Variants in UNC5A observed in about 807,000 individuals in gnomAD.
UNC5A encodes the protein unc-5 netrin receptor A.
A neutral mutation model predicts 87.4 loss-of-function variants in UNC5A; 20 were observed. The observed-to-expected ratio is 0.23, with a 90% CI of 0.16 to 0.33. UNC5A has a LOEUF of 0.33. Ranked by LOEUF, UNC5A falls within the 10% of genes least tolerant of loss-of-function variation. The pLI is 1.00. For synonymous variants in UNC5A, 438 were observed against 482.3 expected, an observed-to-expected ratio of 0.91 and a Z score of 1.20; for missense variants, 844 against 1,133.4, an observed-to-expected ratio of 0.74 and a Z score of 3.67.
intron 1 of UNC5A, among the ~76,000 whole-genome samples, chr5:176,833,438 C>T (rs1757072035): frequency 6.6e-6 from 1 of 152,210 alleles, no homozygotes; most frequent in African/African-American, 2.4e-5. Flanking sequence ...TAATGGCCTC[C>T]GGCTGCATCC....
chr5:176,854,400 T>G (rs561815477), intron 1 of UNC5A, among the ~76,000 whole-genome samples: 15 of 152,280 alleles, frequency 9.9e-5, no homozygotes, highest in African/African-American at 3.6e-4. Flanking sequence ...AAGTAATAAC[T>G]CATGCCGCCA....
At chr5:176,862,569 C>T in intron 1 of UNC5A, 55 bp from the exon 2 acceptor site, 1 of 1,551,462 alleles carries the variant, frequency 6.4e-7, no homozygotes, top group East Asian at 2.3e-5. Context: ...GAGCCGCTGC[C>T]TCTACCCTGC....
chr5:176,841,500 G>A lies in UNC5A; in HGVS notation c.71-21124G>A, dbSNP rs1035549914. On this transcript the variant is annotated intron_variant, in intron 1 of 14. Transcript: ENST00000329542. The surrounding 1 kb of genome is among the most constrained non-coding windows in gnomAD (Gnocchi z 4.1). ...GCTGTGGACATGTTATTGATTGAAT[G>A]TCTCTGAGCCTCAGTTTGTCACCTG... 7.2e-5 allele frequency among the ~76,000 whole-genome samples: 11 copies of A among 152,200 alleles called. No homozygotes were observed. Among genetic ancestry groups the A allele is most frequent in the African/African-American group, 2.7e-4 (11 of 41,438 alleles).
intron 1 of UNC5A, among the ~76,000 whole-genome samples, chr5:176,861,386 C>T (rs1033449554): frequency 1.3e-5 from 2 of 152,218 alleles, no homozygotes; most frequent in Non-Finnish European, 2.9e-5. Flanking sequence ...CCTGAACCCT[C>T]GGTCCGAGCC....
At position 176,848,260 on chromosome 5, in the gene UNC5A, T is replaced by C. The variant is rs1757462003; in HGVS notation, c.71-14364T>C. 6.6e-6 allele frequency among the ~76,000 whole-genome samples: 1 copy of C among 151,894 alleles called. No individual in the cohort carries two copies. Among genetic ancestry groups the C allele is most frequent in the Non-Finnish European group, 1.5e-5 (1 of 67,968 alleles). On this transcript the variant is annotated intron_variant, in intron 1 of 14. Transcript: ENST00000329542. This position sits in a 1 kb window ranked among gnomAD's most constrained non-coding sequence, Gnocchi z 5.8. ...ACCCTTGGGGAGGGGGTACCCCAGC[T>C]TCTCTCTCCCCTGCTACCCCAAAGC...
At chr5:176,817,067 G>A (rs1174138710) in intron 1 of UNC5A, among the ~76,000 whole-genome samples, 2 of 152,214 alleles carry the variant, frequency 1.3e-5, no homozygotes, top group East Asian at 3.8e-4. Context: ...CAGAGTAACT[G>A]GGGAAGGGGA....
At chr5:176,845,159 C>T (rs1390467575) in intron 1 of UNC5A, among the ~76,000 whole-genome samples, 6 of 152,160 alleles carry the variant, frequency 3.9e-5, no homozygotes, top group Admixed American at 3.9e-4. Context: ...TTTTCATAGC[C>T]GTTCCCCCTC....
rs1368663732 is a variant in UNC5A at position 176,869,611 on chromosome 5, C to T, written c.721+647C>T. The T allele has an allele frequency of 1.4e-6, 1 of 699,138 alleles. No individual in the cohort carries two copies. The highest frequency in any genetic ancestry group is 1.8e-5 in the African/African-American group (1 of 57,118). The allele number at this position is 699,138 out of a possible 1,614,324, so 43.3% of individuals were successfully genotyped here. A position where few individuals can be genotyped will look rare whatever the true frequency, so the allele number is the denominator to read the frequency against. On this transcript the variant is annotated intron_variant, in intron 5 of 14. Transcript: ENST00000329542. The surrounding 1 kb of genome is among the most constrained non-coding windows in gnomAD (Gnocchi z 9.1). ...TGACCCCAGTCCTTCTCTGTCCGGC[C>T]AGTGAACGGTGGGTGGTCGACGTGG... is the stretch of plus-strand genomic sequence containing the variant.
At chr5:176,828,093 A>C (rs1581247096) in intron 1 of UNC5A, among the ~76,000 whole-genome samples, 4 of 146,410 alleles carry the variant, frequency 2.7e-5, no homozygotes, top group Non-Finnish European at 6.0e-5. Flanking sequence ...CTCCACACCC[A>C]CCCCCAGCCA....
At chr5:176,877,460 C>A in intron 9 of UNC5A, 75 bp from the exon 10 acceptor site, 1 of 1,497,002 alleles carries the variant, frequency 6.7e-7, no homozygotes, top group Admixed American at 1.9e-5. Context: ...TGCTGCCCTG[C>A]CCTTGGCCTA....
At position 176,866,079 on chromosome 5, in the gene UNC5A, C is replaced by A. The variant is rs953806541; in HGVS notation, c.293-2051C>A. On this transcript the variant is annotated intron_variant, in intron 2 of 14. Transcript: ENST00000329542. This position sits in a 1 kb window ranked among gnomAD's most constrained non-coding sequence, Gnocchi z 5.0. Reference sequence around the variant, plus strand: ...AGCCCCAGCTAGAAACCCTGGGCAGCCCAGGTTCACACACACACCCGCCCA... The same window carrying A: ...AGCCCCAGCTAGAAACCCTGGGCAGACCAGGTTCACACACACACCCGCCCA... Among the ~76,000 whole-genome samples, 6 of 152,186 alleles carry A rather than the reference C, an allele frequency of 3.9e-5. No individual in the cohort carries two copies. Among genetic ancestry groups the A allele is most frequent in the African/African-American group, 1.4e-4 (6 of 41,438 alleles).
At chr5:176,858,224 G>A (rs993015416) in intron 1 of UNC5A, among the ~76,000 whole-genome samples, 21 of 152,354 alleles carry the variant, frequency 1.4e-4, no homozygotes, top group Admixed American at 4.6e-4. Flanking sequence ...CAGCACCAGC[G>A]AGGACAGGCC....
Position 176,878,118 on chromosome 5 carries a change from T to A in UNC5A, c.1860T>A (p.Asp620Glu), listed in dbSNP as rs777219279. The part of the protein sequence containing the change: ...IRVYCLHDTH[D>E]ALKEVVQLEK... ...TCTACTGCCTGCATGACACCCACGA[T>A]GCACTCAAGGTATCTCCCGCCCCTC... The change falls in exon 11 of 15, where the codon GAT becomes GAA. Residue 620 changes from aspartate (D) to glutamate (E), a missense_variant. Physicochemically the swap from Asp to Glu is conservative, Grantham distance 45. Transcript: ENST00000329542. The A allele has an allele frequency of 1.2e-6, 2 of 1,608,536 alleles. No individual in the cohort carries two copies. Among genetic ancestry groups the A allele is most frequent in the Non-Finnish European group, 1.7e-6 (2 of 1,179,812 alleles).
intron 1 of UNC5A, among the ~76,000 whole-genome samples, chr5:176,856,865 TGACTC>T (rs1757679623): frequency 6.6e-6 from 1 of 152,088 alleles, no homozygotes; most frequent in African/African-American, 2.4e-5. Context: ...TCCCAACTCC[TGACTC>T]GACTGTAAAG....
At chr5:176,839,615 A>T (rs1004633107) in intron 1 of UNC5A, among the ~76,000 whole-genome samples, 1 of 152,132 alleles carries the variant, frequency 6.6e-6, no homozygotes, top group Non-Finnish European at 1.5e-5. Context: ...TGTGGGTAAG[A>T]TCCTTGCCCC....
chr5:176,826,483 A>AT (rs1561641527), intron 1 of UNC5A, among the ~76,000 whole-genome samples: 1 of 152,056 alleles, frequency 6.6e-6, no homozygotes, highest in Non-Finnish European at 1.5e-5. Flanking sequence ...ATGCATATAT[A>AT]TTTTTTCTTT....
chr5:176,823,247 C>T (rs1475745065), intron 1 of UNC5A, among the ~76,000 whole-genome samples: 1 of 150,714 alleles, frequency 6.6e-6, no homozygotes, highest in East Asian at 2.0e-4. Flanking sequence ...ATGTCAGAAA[C>T]AGAAAATAGA....
At chr5:176,826,449 T>G (rs1366216694) in intron 1 of UNC5A, among the ~76,000 whole-genome samples, 1 of 152,210 alleles carries the variant, frequency 6.6e-6, no homozygotes, top group Non-Finnish European at 1.5e-5. Flanking sequence ...ATGAGCTTAG[T>G]CCAACCGATG....
In UNC5A at chr5:176,878,406, G is replaced by A. The variant is rs1260494781; in HGVS notation, c.2019+13G>A. The stretch of plus-strand genomic sequence containing the variant: ...TGTCAGCTACCAGGTGAGGGCCAGG[G>A]CCGTGGCCAGCGCACAAGAGGCCTG... On this transcript the variant is annotated intron_variant, in intron 12 of 14. Coordinates refer to ENST00000329542, the MANE Select transcript of UNC5A (RefSeq NM_133369.3). 2 of 1,613,324 alleles carry A rather than the reference G, an allele frequency of 1.2e-6. No individual in the cohort carries two copies. Among genetic ancestry groups the A allele is most frequent in the Admixed American group, 1.7e-5 (1 of 60,006 alleles).
Sources: allele counts gnomAD v4.1 joint callset (sites outside exome capture counted in the v4.1 genomes callset), GRCh38; gene constraint gnomAD v4.1.1; non-coding constraint Gnocchi (gnomAD v3.1); transcripts MANE v1.5; gene names NCBI Gene and HGNC (gene_info 2026-07-23, HGNC 2026-07-21).